PCDHA1: variants seen among roughly 807,000 people sequenced by gnomAD.
PCDHA1 encodes protocadherin alpha 1, also known as protocadherin alpha-1.
PCDHA1 carries 42 observed loss-of-function variants against 61.3 expected under a neutral mutation model. The observed-to-expected ratio is 0.69, with a 90% CI of 0.54 to 0.89. The LOEUF is 0.89. Among genes scored for constraint, PCDHA1 ranks in the 40% least tolerant of loss-of-function variants. The probability of loss-of-function intolerance (pLI) is 0.00; values close to 1 mark genes in which losing one functional copy is unlikely to be tolerated. For synonymous variants in PCDHA1, 610 were observed against 553.8 expected, an observed-to-expected ratio of 1.10 and a Z score of -1.43; for missense variants, 1,256 against 1,235.3, an observed-to-expected ratio of 1.02 and a Z score of -0.25.
intron 1 of PCDHA1, chr5:140,803,739 G>C (rs182945871): frequency 0.01 from 13,996 of 1,397,658 alleles, 104 homozygotes; most frequent in Non-Finnish European, 0.012. Flanking sequence ...TGGTTAAAAC[G>C]GTAAGATTTT....
chr5:140,959,729 C>T (rs910806194), intron 1 of PCDHA1, among the ~76,000 whole-genome samples: 3 of 152,126 alleles, frequency 2.0e-5, no homozygotes, highest in South Asian at 4.1e-4. Context: ...ATAACATTAT[C>T]TCATCAAAAT....
At chr5:140,869,151 C>T in intron 1 of PCDHA1, 1 of 1,613,806 alleles carries the variant, frequency 6.2e-7, no homozygotes, top group South Asian at 1.1e-5. Context: ...GACTACAGCT[C>T]TGGCTTCTCC....
At chr5:140,871,334 T>G (rs1554165439) in intron 1 of PCDHA1, 1 of 1,614,044 alleles carries the variant, frequency 6.2e-7, no homozygotes, top group African/African-American at 1.3e-5. Flanking sequence ...TCCCGCGCGG[T>G]GGGGAGCTGG....
intron 1 of PCDHA1, among the ~76,000 whole-genome samples, chr5:140,797,648 A>G (rs1449945057): frequency 6.6e-6 from 1 of 152,256 alleles, no homozygotes; most frequent in Non-Finnish European, 1.5e-5. Context: ...AACATTTCCC[A>G]TAAATATTTT....
At position 140,850,688 on chromosome 5, in the gene PCDHA1, G is replaced by T. The variant is rs370343489; in HGVS notation, c.2394+62004G>T. ...GCTCGGCGATGCCCACCGAGGGCGA[G>T]TGCGCGCCTGGCAAGCCGACGCTGG... On this transcript the variant is annotated intron_variant, in intron 1 of 3. Coordinates refer to ENST00000504120, the MANE Select transcript of PCDHA1 (RefSeq NM_018900.4). The T allele has an allele frequency of 5.0e-6, 8 of 1,598,504 alleles. 1 individual carries two copies. Among genetic ancestry groups the T allele is most frequent in the Non-Finnish European group, 6.9e-6 (8 of 1,167,882 alleles).
At position 140,876,152 on chromosome 5, in the gene PCDHA1, A is replaced by G; in HGVS notation, c.2394+87468A>G. ...AAACCAGAACTAACAGGGTCTGTCC[A>G]GATTCAAATAACCGTCCTGGATGTG... is the stretch of plus-strand genomic sequence containing the variant. On this transcript the variant is annotated intron_variant, in intron 1 of 3. Transcript: ENST00000504120. 1 of 1,613,982 alleles carries G rather than the reference A, an allele frequency of 6.2e-7. No individual in the cohort carries two copies. The highest frequency in any genetic ancestry group is 1.3e-5 in the African/African-American group (1 of 75,068).
rs1582078645 is a variant in PCDHA1, at chr5:140,872,401, A to G, written c.2394+83717A>G. Among the ~76,000 whole-genome samples the G allele has an allele frequency of 2.0e-5, 3 of 152,246 alleles. No homozygotes were observed. In the East Asian group the frequency reaches 5.8e-4, roughly 29 times the overall value. ...CAGCTATTTGGGAGGCTGAGGCAGG[A>G]GAATTGCTTGAGCCCAAGAGTTCGA... On this transcript the variant is annotated intron_variant, in intron 1 of 3. Transcript: ENST00000504120.
Position 140,823,986 on chromosome 5 carries a change from T to A in PCDHA1, c.2394+35302T>A, listed in dbSNP as rs2150131156. On this transcript the variant is annotated intron_variant, in intron 1 of 3. Coordinates refer to ENST00000504120, the MANE Select transcript of PCDHA1 (RefSeq NM_018900.4). ...CCGTGTGCACACGGGGCAAGCCCAC[T>A]CTGTTGTGCTCCAGCGCGGTGGGGA... The A allele has an allele frequency of 3.9e-5, 63 of 1,613,776 alleles. No individual in the cohort carries two copies. The Admixed American group carries it at 1.0e-3, about 27-fold the overall frequency.
intron 1 of PCDHA1, chr5:140,825,159 C>T (rs2150138448): frequency 9.9e-5 from 15 of 151,540 alleles, no homozygotes; most frequent in Admixed American, 4.6e-4. Context: ...TTTAATCTTG[C>T]TTTTTTCATT....
At position 140,849,878 on chromosome 5, in the gene PCDHA1, G is replaced by A. The variant is rs2150455933; in HGVS notation, c.2394+61194G>A. On this transcript the variant is annotated intron_variant, in intron 1 of 3. Transcript: ENST00000504120. ...CAGCGTTCGCGCAGTCCGAGTACACGGTGTTCGTGAAGGAGAACAACCCGC... is the reference window on the plus strand; with the variant it reads ...CAGCGTTCGCGCAGTCCGAGTACACAGTGTTCGTGAAGGAGAACAACCCGC... The A allele has an allele frequency of 1.1e-5, 17 of 1,598,602 alleles. 2 individuals are homozygous for A. The Middle Eastern group carries it at 5.1e-4, about 48-fold the overall frequency.
chr5:140,988,866 C>T (rs1364853349), intron 3 of PCDHA1: 2 of 152,170 alleles, frequency 1.3e-5, no homozygotes, highest in Non-Finnish European at 2.9e-5. Context: ...CTCATGTGCA[C>T]TCAGATGTAC....
In PCDHA1 at chr5:140,882,159, T is replaced by C. The variant is rs1017946710; in HGVS notation, c.2394+93475T>C. 76 of 1,509,284 alleles carry C rather than the reference T, an allele frequency of 5.0e-5. No individual in the cohort carries two copies. The African/African-American group carries it at 8.9e-4, about 18-fold the overall frequency. 93.5% of individuals were successfully genotyped at this position (1,509,284 alleles called of 1,614,324 possible). On this transcript the variant is annotated intron_variant, in intron 1 of 3. Transcript: ENST00000504120. ...AAAATATAGCAGAAAGCGGAATACC[T>C]CTTGCGAATCCTTCCGCACTAGGAA...
At chr5:140,795,996 T>A (rs1436455435) in intron 1 of PCDHA1, 5 of 1,614,032 alleles carry the variant, frequency 3.1e-6, no homozygotes, top group Non-Finnish European at 4.2e-6. Context: ...TGGACATCAA[T>A]GATAACACAC....
chr5:140,787,930 G>A lies in PCDHA1; in HGVS notation c.1640G>A (p.Ser547Asn), dbSNP rs1554118050. The change falls in exon 1 of 4, where the codon AGC becomes AAC. Residue 547 changes from serine (S) to asparagine (N), a missense_variant. Ser to Asn is a conservative substitution (Grantham distance 46). Coordinates refer to ENST00000504120, the MANE Select transcript of PCDHA1 (RefSeq NM_018900.4). ...ARDAGVPPLG[S>N]NVTLQVFVLD... is the part of the protein sequence containing the mutation. ...GATGCGGGCGTGCCGCCTCTGGGCA[G>A]CAACGTGACGCTGCAGGTGTTCGTG... is the stretch of plus-strand genomic sequence containing the variant. 1.1e-5 allele frequency: 17 copies of A among 1,613,734 alleles called. No individual in the cohort carries two copies. Among genetic ancestry groups the A allele is most frequent in the Middle Eastern group, 3.3e-4 (2 of 6,050 alleles).
At position 140,811,987 on chromosome 5, in the gene PCDHA1, T is replaced by C. The variant is rs146475516; in HGVS notation, c.2394+23303T>C. 1.7e-3 allele frequency: 218 copies of C among 130,412 alleles called. 1 individual carries two copies. Among genetic ancestry groups the C allele is most frequent in the African/African-American group, 6.4e-3 (204 of 32,038 alleles). The allele number at this position is 130,412 out of a possible 1,614,324, so 8.1% of individuals were successfully genotyped here. A position where few individuals can be genotyped will look rare whatever the true frequency, so the allele number is the denominator to read the frequency against. Reference sequence around the variant, plus strand: ...CTGATTGTAGTTTCTTTTGAAGATTTATTTTTTACTACCATTTTTTTGTTG... The same window carrying C: ...CTGATTGTAGTTTCTTTTGAAGATTCATTTTTTACTACCATTTTTTTGTTG... On this transcript the variant is annotated intron_variant, in intron 1 of 3. Coordinates refer to ENST00000504120, the MANE Select transcript of PCDHA1 (RefSeq NM_018900.4).
intron 1 of PCDHA1, among the ~76,000 whole-genome samples, chr5:140,948,600 A>G (rs1369107358): frequency 6.6e-6 from 1 of 151,576 alleles, no homozygotes; most frequent in African/African-American, 2.4e-5. Flanking sequence ...TCAATTTATC[A>G]TATTTTTGGC....
At chr5:140,890,961 TTTTG>T (rs1239214366) in intron 1 of PCDHA1, among the ~76,000 whole-genome samples, 3 of 152,172 alleles carry the variant, frequency 2.0e-5, no homozygotes, top group African/African-American at 7.2e-5. Flanking sequence ...TGATTTCAGG[TTTTG>T]TTTTTCTGAA....
intron 1 of PCDHA1, chr5:140,928,599 T>G: frequency 6.2e-7 from 1 of 1,614,224 alleles, no homozygotes. Context: ...CAGTGGAAAT[T>G]GTGCCCCGCT....
chr5:140,953,778 A>G (rs782648195), intron 1 of PCDHA1, among the ~76,000 whole-genome samples: 1 of 151,986 alleles, frequency 6.6e-6, no homozygotes, highest in Non-Finnish European at 1.5e-5. Flanking sequence ...ATATTTATTT[A>G]TTTTTTTCTT....
Sources: gnomAD v4.1 joint callset for allele counts (sites outside exome capture counted in the v4.1 genomes callset) on GRCh38, gnomAD v4.1.1 for gene constraint, MANE v1.5 for transcripts, NCBI Gene and HGNC (gene_info 2026-07-23, HGNC 2026-07-21) for gene names.